Variants in FAM193A observed in about 807,000 individuals in gnomAD.
FAM193A encodes protein FAM193A.
Under a neutral mutation model 126.5 loss-of-function variants are expected in FAM193A, and 22 were observed. That is an observed-to-expected ratio of 0.17 (90% CI 0.12 to 0.25). The LOEUF is 0.25. FAM193A is among the 10% of genes least tolerant of loss of function. The pLI, the probability that FAM193A is intolerant of heterozygous loss-of-function variation, is 1.00. For synonymous variants in FAM193A, 761 were observed against 646.8 expected, an observed-to-expected ratio of 1.18 and a Z score of -2.68; for missense variants, 1,675 against 1,672.8, an observed-to-expected ratio of 1.00 and a Z score of -0.02.
At chr4:2,601,483 C>T (rs1266777119) in intron 2 of FAM193A, among the ~76,000 whole-genome samples, 2 of 152,042 alleles carry the variant, frequency 1.3e-5, no homozygotes, top group Non-Finnish European at 2.9e-5. Context: ...GATCCGCCCA[C>T]CTCGGTCTCC....
chr4:2,699,812 C>T lies in FAM193A; in HGVS notation c.3640C>T (p.Arg1214Trp), dbSNP rs1717491732. Residue 1214 changes from arginine (R) to tryptophan (W), a missense_variant, in exon 19 of 21, where the codon CGG becomes TGG. Transcript: ENST00000637812. Reference sequence around the variant, plus strand: ...GGATCGTTTCAAGGAGGAATTTCAGCGGCTTCAGGAGCTTCAGAAGCTAAG... The same window carrying T: ...GGATCGTTTCAAGGAGGAATTTCAGTGGCTTCAGGAGCTTCAGAAGCTAAG... Reference protein sequence around the residue: ...EEDRFKEEFQRLQELQKLRAV... With the variant: ...EEDRFKEEFQWLQELQKLRAV... The T allele has an allele frequency of 3.1e-6, 5 of 1,613,656 alleles. No individual in the cohort carries two copies. Among genetic ancestry groups the T allele is most frequent in the Admixed American group, 1.7e-5 (1 of 59,964 alleles).
Position 2,659,512 on chromosome 4 carries a change from C to T in FAM193A, c.1390-46C>T, listed in dbSNP as rs144039863. The T allele has an allele frequency of 1.1e-3, 1,387 of 1,308,520 alleles. 5 individuals are homozygous for T. Among genetic ancestry groups the T allele is most frequent in the African/African-American group, 8.2e-3 (562 of 68,752 alleles). 81.1% of individuals were successfully genotyped at this position (1,308,520 alleles called of 1,614,324 possible). A position where few individuals can be genotyped will look rare whatever the true frequency, so the allele number is the denominator to read the frequency against. ...TACTGAAAAATAATGAGCCATGTCT[C>T]GGGGAAGGGTCTTGCAAGATTAAAG... On this transcript the variant is annotated intron_variant, in intron 8 of 20. Transcript: ENST00000637812.
intron 2 of FAM193A, among the ~76,000 whole-genome samples, chr4:2,617,181 AT>A (rs376887537): frequency 4.7e-5 from 6 of 126,660 alleles, no homozygotes; most frequent in East Asian, 2.2e-4. Context: ...AAAAAAAAAA[AT>A]TAAAAAAAAA....
At chr4:2,674,118 T>G (rs1227427320) in intron 13 of FAM193A, among the ~76,000 whole-genome samples, 1 of 152,256 alleles carries the variant, frequency 6.6e-6, no homozygotes, top group Non-Finnish European at 1.5e-5. Context: ...ATTCACTGAT[T>G]CATTTAAAAT....
intron 19 of FAM193A, among the ~76,000 whole-genome samples, chr4:2,705,927 T>C (rs1718250325): frequency 6.6e-6 from 1 of 152,076 alleles, no homozygotes; most frequent in South Asian, 2.1e-4. Context: ...GGACCAGGTG[T>C]GAGGGTGATG....
chr4:2,726,597 C>A (rs149655529), intron 20 of FAM193A, among the ~76,000 whole-genome samples: 424 of 151,924 alleles, frequency 2.8e-3, no homozygotes, highest in African/African-American at 8.0e-3. Flanking sequence ...AAAATTGCTG[C>A]TTCCTACTGT....
chr4:2,700,167 A>G lies in FAM193A; in HGVS notation c.3995A>G (p.Lys1332Arg). The change falls in exon 19 of 21, where the codon AAA (lysine) becomes AGA (arginine). Residue 1332 changes from lysine (K) to arginine (R), a missense_variant. Physicochemically the swap from Lys to Arg is conservative, Grantham distance 26. Around this residue, in one of 4 missense-constraint regions of FAM193A, gnomAD observed 415 missense variants for 396.7 expected, o/e 1.05. Transcript: ENST00000637812. ...TTCTTCGACATCATGCAGCACCATA[A>G]AGAAGGAAATGGCAAGCAGAAGCTG... ...SFFFDIMQHH[K>R]EGNGKQKLRQ... The G allele has an allele frequency of 1.9e-6, 3 of 1,613,626 alleles. No homozygotes were observed. Among genetic ancestry groups the G allele is most frequent in the Non-Finnish European group, 2.5e-6 (3 of 1,179,962 alleles).
intron 1 of FAM193A, among the ~76,000 whole-genome samples, chr4:2,575,033 T>C (rs536952350): frequency 1.3e-5 from 2 of 152,226 alleles, no homozygotes; most frequent in Middle Eastern, 6.8e-3. Flanking sequence ...CACACACAAA[T>C]GCGTGCCATG....
At chr4:2,704,082 A>ATG (rs1718038356) in intron 19 of FAM193A, among the ~76,000 whole-genome samples, 1 of 151,460 alleles carries the variant, frequency 6.6e-6, no homozygotes. Flanking sequence ...GCTGGCCAAC[A>ATG]TGAAACCCCG....
chr4:2,553,781 G>A (rs1738092936), intron 1 of FAM193A, among the ~76,000 whole-genome samples: 1 of 152,098 alleles, frequency 6.6e-6, no homozygotes, highest in African/African-American at 2.4e-5. Context: ...GGACCTGGTG[G>A]CAGGTAATTG....
intron 1 of FAM193A, among the ~76,000 whole-genome samples, chr4:2,579,643 G>T (rs976967895): frequency 6.6e-6 from 1 of 152,086 alleles, no homozygotes; most frequent in Non-Finnish European, 1.5e-5. Flanking sequence ...CAGCGGCAGA[G>T]ACCAGTGATC....
At chr4:2,542,196 A>G (rs1480272340) in intron 1 of FAM193A, among the ~76,000 whole-genome samples, 1 of 152,084 alleles carries the variant, frequency 6.6e-6, no homozygotes, top group Non-Finnish European at 1.5e-5. Context: ...TTGTATTTTT[A>G]GTAGAGACGG....
chr4:2,655,424 C>CGT (rs370632720), intron 7 of FAM193A, among the ~76,000 whole-genome samples: 7 of 149,090 alleles, frequency 4.7e-5, no homozygotes, highest in Admixed American at 4.0e-4. Flanking sequence ...TGATTTAGGA[C>CGT]GTGTGTGTGT....
intron 2 of FAM193A, among the ~76,000 whole-genome samples, chr4:2,609,843 C>T (rs1299504430): frequency 2.0e-5 from 3 of 151,876 alleles, no homozygotes; most frequent in African/African-American, 4.8e-5. Context: ...GCAGGAGAAT[C>T]CCTCTAACCC....
intron 2 of FAM193A, among the ~76,000 whole-genome samples, chr4:2,607,119 G>A (rs1016203089): frequency 6.6e-6 from 1 of 152,208 alleles, no homozygotes; most frequent in Non-Finnish European, 1.5e-5. Context: ...GCGTGCCGGA[G>A]AAATAAATGC....
rs115698854 is a variant in FAM193A at position 2,686,676 on chromosome 4, C to G, written c.2332-2830C>G. On this transcript the variant is annotated intron_variant, in intron 13 of 20. Coordinates refer to ENST00000637812, the MANE Select transcript of FAM193A (RefSeq NM_001366318.2). ...TTTTCAAACCTGAAACCAAACAACT[C>G]ATGGTCGTGTCTTGAGGAGTCCAGG... Among the ~76,000 whole-genome samples the G allele has an allele frequency of 6.0e-3, 919 of 152,306 alleles. 13 individuals carry two copies. The highest frequency in any genetic ancestry group is 0.021 in the African/African-American group (890 of 41,566).
intron 2 of FAM193A, among the ~76,000 whole-genome samples, chr4:2,598,504 A>T (rs568473979): frequency 6.6e-6 from 1 of 152,226 alleles, no homozygotes; most frequent in African/African-American, 2.4e-5. Context: ...ATCTGTGCTC[A>T]TGAAGGCTGT....
At chr4:2,565,354 G>T (rs909022615) in intron 1 of FAM193A, among the ~76,000 whole-genome samples, 6 of 141,574 alleles carry the variant, frequency 4.2e-5, no homozygotes, top group African/African-American at 1.6e-4. Flanking sequence ...CTGCCTCCCA[G>T]GTTCAAGCAA....
At chr4:2,726,129 G>A (rs957727395) in intron 20 of FAM193A, among the ~76,000 whole-genome samples, 19 of 152,114 alleles carry the variant, frequency 1.2e-4, no homozygotes, top group Non-Finnish European at 1.8e-4. Flanking sequence ...TCGATCTCCC[G>A]ACCTCGTGAT....
Sources: gnomAD v4.1 joint callset for allele counts (sites outside exome capture counted in the v4.1 genomes callset) on GRCh38, gnomAD v4.1.1 for gene constraint, gnomAD v4.1.1 regional missense constraint, MANE v1.5 for transcripts, NCBI Gene and HGNC (gene_info 2026-07-23, HGNC 2026-07-21) for gene names.